The following DSCAM variants were observed in gnomAD, a reference collection of about 807,000 sequenced individuals.
DSCAM encodes the protein cell adhesion molecule DSCAM.
DSCAM carries 47 observed loss-of-function variants against 217.7 expected under a neutral mutation model. The ratio of observed to expected loss-of-function variants is 0.22; its 90% CI spans 0.17 to 0.28. DSCAM has a LOEUF of 0.28. Among genes scored for constraint, DSCAM ranks in the 10% least tolerant of loss-of-function variants. DSCAM has a pLI of 1.00. For synonymous variants in DSCAM, 1,056 were observed against 1,015.3 expected, an observed-to-expected ratio of 1.04 and a Z score of -0.76; for missense variants, 2,080 against 2,618.3, an observed-to-expected ratio of 0.79 and a Z score of 4.49.
At chr21:40,275,408 T>C (rs2073673738) in intron 11 of DSCAM, among the ~76,000 whole-genome samples, 1 of 152,192 alleles carries the variant, frequency 6.6e-6, no homozygotes, top group African/African-American at 2.4e-5. Context: ...GAAAATTCCA[T>C]AAATGGGCAT....
In DSCAM at chr21:40,708,461, G is replaced by A; in HGVS notation, c.354C>T (p.Ile118=). ...SGKIRSQDVH[I]KAVLREPYTV... ...GCCCAGAGCTGTACTCACCAGCCTT[G>A]ATGTGGACATCCTGACTTCTAATTT... The change falls in exon 2 of 33, where the codon ATC becomes ATT. Residue 118 remains isoleucine (I), a synonymous_variant. Coordinates refer to ENST00000400454, the MANE Select transcript of DSCAM (RefSeq NM_001389.5). 6.6e-7 allele frequency: 1 copy of A among 1,506,160 alleles called. No homozygotes were observed. The highest frequency in any genetic ancestry group is 8.9e-7 in the Non-Finnish European group (1 of 1,124,248). 93.3% of individuals were successfully genotyped at this position (1,506,160 alleles called of 1,614,324 possible). A position where few individuals can be genotyped will look rare whatever the true frequency, so the allele number is the denominator to read the frequency against.
chr21:40,342,999 G>A (rs1190350502), intron 6 of DSCAM, among the ~76,000 whole-genome samples: 1 of 151,788 alleles, frequency 6.6e-6, no homozygotes, highest in Non-Finnish European at 1.5e-5. Context: ...TATATTAGCA[G>A]AGTTTTGTAT....
intron 1 of DSCAM, among the ~76,000 whole-genome samples, chr21:40,812,410 TGTGCCCAGCACGCAGACA>T (rs2091846947): frequency 6.6e-6 from 1 of 152,172 alleles, no homozygotes; most frequent in Admixed American, 6.5e-5. Flanking sequence ...ACTGTCACAC[TGTGCCCAGCACGCAGACA>T]GTGACCCCTG....
At chr21:40,749,170 T>G (rs2091203388) in intron 1 of DSCAM, among the ~76,000 whole-genome samples, 1 of 152,148 alleles carries the variant, frequency 6.6e-6, no homozygotes, top group Non-Finnish European at 1.5e-5. Flanking sequence ...GAGCAAGGAT[T>G]CTTTAAAGAC....
rs149990247 is a variant in DSCAM, at chr21:40,844,997, A to G, written c.43+1622T>C. On this transcript the variant is annotated intron_variant, in intron 1 of 32. Coordinates refer to ENST00000400454, the MANE Select transcript of DSCAM (RefSeq NM_001389.5). ...TCAAGGCTCTGTGTCTTTGGAACAC[A>G]TGTGTAGGCATCTCTACATTTCTTA... Among the ~76,000 whole-genome samples the G allele has an allele frequency of 8.7e-4, 133 of 152,280 alleles. 2 individuals are homozygous for G. The East Asian group carries it at 0.017, about 19-fold the overall frequency.
chr21:40,696,273 T>C (rs922541655), intron 2 of DSCAM, among the ~76,000 whole-genome samples: 2 of 152,122 alleles, frequency 1.3e-5, no homozygotes, highest in Non-Finnish European at 2.9e-5. Flanking sequence ...AGAAGAAAAC[T>C]GCACACTCCC....
At chr21:40,131,550 C>T (rs376108101) in intron 19 of DSCAM, among the ~76,000 whole-genome samples, 5 of 152,128 alleles carry the variant, frequency 3.3e-5, no homozygotes, top group South Asian at 2.1e-4. Context: ...CTCAGCCTCC[C>T]GAGTAGCTGG....
At chr21:40,403,420 C>T (rs1417025100) in intron 3 of DSCAM, among the ~76,000 whole-genome samples, 1 of 151,852 alleles carries the variant, frequency 6.6e-6, no homozygotes, top group East Asian at 1.9e-4. Context: ...ACCTCAGTAT[C>T]CCATGTAGCT....
At chr21:40,191,951 G>A (rs578025254) in intron 11 of DSCAM, among the ~76,000 whole-genome samples, 127 of 152,226 alleles carry the variant, frequency 8.3e-4, no homozygotes, top group African/African-American at 2.9e-3. Context: ...TCTTCTTAAC[G>A]AATTATATTT....
chr21:40,294,068 A>T (rs2123441024), intron 10 of DSCAM, among the ~76,000 whole-genome samples: 1 of 152,320 alleles, frequency 6.6e-6, no homozygotes, highest in East Asian at 1.9e-4. Context: ...TTAACTTTTT[A>T]AAAAATTGCA....
intron 26 of DSCAM, among the ~76,000 whole-genome samples, chr21:40,076,567 A>G (rs1294306935): frequency 6.6e-6 from 1 of 152,260 alleles, no homozygotes; most frequent in Non-Finnish European, 1.5e-5. Context: ...GTGATTTCAT[A>G]TTTCCAAAAC....
rs1568953823 is a variant in DSCAM, at chr21:40,637,236, AATATAAAT to A, written c.508+55566_508+55573del. Among the ~76,000 whole-genome samples, 25 of 4,132 alleles carry A rather than the reference AATATAAAT, an allele frequency of 6.1e-3. 3 individuals are homozygous for A. The highest frequency in any genetic ancestry group is 0.021 in the South Asian group (1 of 48). 2.7% of individuals were successfully genotyped at this position (4,132 alleles called of 152,430 possible). On this transcript the variant is annotated intron_variant, in intron 3 of 32. Transcript: ENST00000400454. ...ATATAAATATAAATATATATATATAAATATAAATATATATATAAATATATATAAATATA... is the reference window on the plus strand; with the variant it reads ...ATATAAATATAAATATATATATATAAATATATATAAATATATATAAATATA...
intron 16 of DSCAM, among the ~76,000 whole-genome samples, chr21:40,161,149 C>T (rs1225366286): frequency 6.6e-6 from 1 of 152,140 alleles, no homozygotes; most frequent in Non-Finnish European, 1.5e-5. Flanking sequence ...AAGGGAACTG[C>T]CTGCTTAGTT....
In DSCAM at chr21:40,246,534, C is replaced by A. The variant is rs2073228317; in HGVS notation, c.2356+29563G>T. Among the ~76,000 whole-genome samples the A allele has an allele frequency of 1.3e-5, 2 of 149,978 alleles. 1 individual carries two copies. The highest frequency in any genetic ancestry group is 4.3e-4 in the South Asian group (2 of 4,658). ...CCAGCCTGGGCAACAGAGAGAGACT[C>A]TATATCAAAGAAAAAAAAAAAGAGG... is the stretch of plus-strand genomic sequence containing the variant. On this transcript the variant is annotated intron_variant, in intron 11 of 32. Coordinates refer to ENST00000400454, the MANE Select transcript of DSCAM (RefSeq NM_001389.5).
intron 6 of DSCAM, among the ~76,000 whole-genome samples, chr21:40,343,431 G>A (rs751614672): frequency 3.3e-5 from 5 of 152,176 alleles, no homozygotes; most frequent in African/African-American, 1.2e-4. Context: ...TGTTCAGGAT[G>A]CCACTCATTA....
At chr21:40,133,114 G>T (rs926440193) in intron 19 of DSCAM, among the ~76,000 whole-genome samples, 13 of 152,196 alleles carry the variant, frequency 8.5e-5, no homozygotes, top group African/African-American at 3.1e-4. Flanking sequence ...CCTTTATTAA[G>T]GTGGAGGCTA....
intron 6 of DSCAM, among the ~76,000 whole-genome samples, chr21:40,347,458 A>C (rs1424387782): frequency 6.6e-6 from 1 of 152,210 alleles, no homozygotes; most frequent in Non-Finnish European, 1.5e-5. Flanking sequence ...ATGTTACTTT[A>C]CATTACTTCT....
intron 3 of DSCAM, among the ~76,000 whole-genome samples, chr21:40,521,344 T>C (rs971782089): frequency 6.6e-6 from 1 of 152,222 alleles, no homozygotes; most frequent in South Asian, 2.1e-4. Flanking sequence ...CTTTTTTCCG[T>C]AATGGCTTTA....
rs181392524 is a variant in DSCAM, at chr21:40,440,285, G to C, written c.509-71040C>G. ...ATGTTAAAGGCTCCAAAGTCCAAAG[G>C]CTCAGGCCTGAGTCTTGGCTGTGTG... On this transcript the variant is annotated intron_variant, in intron 3 of 32. Coordinates refer to ENST00000400454, the MANE Select transcript of DSCAM (RefSeq NM_001389.5). 2.8e-3 allele frequency among the ~76,000 whole-genome samples: 421 copies of C among 152,336 alleles called. 5 individuals are homozygous for C. The highest frequency in any genetic ancestry group is 8.9e-3 in the African/African-American group (369 of 41,574).
Sources: gnomAD v4.1 joint callset for allele counts (sites outside exome capture counted in the v4.1 genomes callset) on GRCh38, gnomAD v4.1.1 for gene constraint, MANE v1.5 for transcripts, NCBI Gene and HGNC (gene_info 2026-07-23, HGNC 2026-07-21) for gene names.